Variants in TMEM132C observed in about 807,000 individuals in gnomAD.
TMEM132C encodes transmembrane protein 132C, also known as protein phosphatase 1, regulatory subunit 152.
A neutral mutation model predicts 61.4 loss-of-function variants in TMEM132C; 29 were observed. The observed-to-expected ratio is 0.47, with a 90% CI of 0.35 to 0.64. The LOEUF (loss-of-function observed/expected upper bound fraction) is 0.64. TMEM132C is among the 30% of genes least tolerant of loss of function. TMEM132C has a pLI of 0.00. For missense variants in TMEM132C, 1,408 were observed against 1,476.9 expected, an observed-to-expected ratio of 0.95 and a Z score of 0.76; for synonymous variants, 656 against 633.1, an observed-to-expected ratio of 1.04 and a Z score of -0.54.
At chr12:128,355,574 G>A (rs1873476853) in intron 1 of TMEM132C, among the ~76,000 whole-genome samples, 3 of 151,724 alleles carry the variant, frequency 2.0e-5, no homozygotes, top group Admixed American at 1.3e-4. Flanking sequence ...CACCCTCCAT[G>A]GCTCCCATCT....
At chr12:128,681,959 C>T (rs1954639052) in intron 5 of TMEM132C, among the ~76,000 whole-genome samples, 2 of 151,866 alleles carry the variant, frequency 1.3e-5, no homozygotes, top group African/African-American at 2.4e-5. Context: ...TGTGAGCCAC[C>T]GTGCCCGGCC....
chr12:128,377,686 G>A (rs1032393843), intron 1 of TMEM132C, among the ~76,000 whole-genome samples: 35 of 152,150 alleles, frequency 2.3e-4, no homozygotes, highest in African/African-American at 8.4e-4. Context: ...ATTTCAAACC[G>A]TGGGACACAC....
chr12:128,301,058 G>A (rs1871579931), intron 1 of TMEM132C, among the ~76,000 whole-genome samples: 1 of 152,080 alleles, frequency 6.6e-6, no homozygotes, highest in South Asian at 2.1e-4. Context: ...CAAAACAAAT[G>A]AACAGAAAAC....
At chr12:128,377,058 A>ATTT (rs199866756) in intron 1 of TMEM132C, among the ~76,000 whole-genome samples, 3 of 144,912 alleles carry the variant, frequency 2.1e-5, no homozygotes, top group Non-Finnish European at 3.0e-5. Flanking sequence ...TGCTTTCTTG[A>ATTT]TTTTTTTTTT....
chr12:128,381,989 C>A (rs1195895279), intron 1 of TMEM132C, among the ~76,000 whole-genome samples: 1 of 152,020 alleles, frequency 6.6e-6, no homozygotes, highest in Non-Finnish European at 1.5e-5. Context: ...CGTTGAAGAC[C>A]CTTCGCAACA....
At chr12:128,325,824 G>A (rs1288662534) in intron 1 of TMEM132C, among the ~76,000 whole-genome samples, 1 of 152,112 alleles carries the variant, frequency 6.6e-6, no homozygotes, top group Non-Finnish European at 1.5e-5. Context: ...CTGTCAGGCT[G>A]CCCTCCCAGT....
intron 1 of TMEM132C, among the ~76,000 whole-genome samples, chr12:128,336,391 C>G (rs929217127): frequency 1.3e-5 from 2 of 152,150 alleles, no homozygotes; most frequent in African/African-American, 4.8e-5. Flanking sequence ...TATTTGCTGA[C>G]ACTGTATGCC....
chr12:128,676,816 C>T (rs1469325754), intron 5 of TMEM132C, among the ~76,000 whole-genome samples: 2 of 152,176 alleles, frequency 1.3e-5, no homozygotes, highest in Non-Finnish European at 2.9e-5. Context: ...TCATGAATAT[C>T]GCTGCCTTGG....
At chr12:128,460,244 G>C (rs1334619981) in intron 2 of TMEM132C, among the ~76,000 whole-genome samples, 1 of 152,172 alleles carries the variant, frequency 6.6e-6, no homozygotes, top group African/African-American at 2.4e-5. Flanking sequence ...ACAAACTTCA[G>C]GCATGGCTGG....
chr12:128,307,705 G>A (rs1871829784), intron 1 of TMEM132C, among the ~76,000 whole-genome samples: 1 of 152,086 alleles, frequency 6.6e-6, no homozygotes, highest in Non-Finnish European at 1.5e-5. Flanking sequence ...CTTTCTTTTT[G>A]TAATAGATGT....
intron 4 of TMEM132C, among the ~76,000 whole-genome samples, chr12:128,654,713 G>A (rs1954306907): frequency 6.6e-6 from 1 of 152,108 alleles, no homozygotes; most frequent in Non-Finnish European, 1.5e-5. Flanking sequence ...CAGAATGCTG[G>A]GCTGAGATGC....
intron 1 of TMEM132C, among the ~76,000 whole-genome samples, chr12:128,383,857 C>G (rs893984441): frequency 2.0e-5 from 3 of 152,198 alleles, no homozygotes; most frequent in Non-Finnish European, 4.4e-5. Flanking sequence ...TAGCCACTCT[C>G]TTACTGAGCA....
intron 4 of TMEM132C, among the ~76,000 whole-genome samples, chr12:128,638,727 G>T (rs1218518376): frequency 6.6e-6 from 1 of 152,228 alleles, no homozygotes; most frequent in Non-Finnish European, 1.5e-5. Flanking sequence ...GGGTGGAGAA[G>T]AGGAGGAGAA....
intron 4 of TMEM132C, among the ~76,000 whole-genome samples, chr12:128,641,515 G>A (rs910331283): frequency 3.3e-5 from 5 of 152,192 alleles, no homozygotes; most frequent in Non-Finnish European, 7.3e-5. Context: ...AACACAGAGA[G>A]CACTGTGGGA....
chr12:128,515,439 A>G (rs1384680005), intron 2 of TMEM132C, among the ~76,000 whole-genome samples: 1 of 152,232 alleles, frequency 6.6e-6, no homozygotes, highest in Admixed American at 6.5e-5. Flanking sequence ...TGAAATGCTA[A>G]GCAGCTGAAC....
At chr12:128,542,859 C>CAA (rs59362697) in intron 2 of TMEM132C, among the ~76,000 whole-genome samples, 1,020 of 81,032 alleles carry the variant, frequency 0.013, 29 homozygotes, top group African/African-American at 0.031. Context: ...TACTTCGATG[C>CAA]AAAAAAAAAA....
chr12:128,403,656 C>T (rs1459000636), intron 1 of TMEM132C, among the ~76,000 whole-genome samples: 2 of 152,104 alleles, frequency 1.3e-5, no homozygotes, highest in African/African-American at 4.8e-5. Context: ...TGATTCCCAT[C>T]ATCGACATGA....
chr12:128,507,240 G>A (rs976701195), intron 2 of TMEM132C, among the ~76,000 whole-genome samples: 2 of 151,960 alleles, frequency 1.3e-5, no homozygotes, highest in Admixed American at 6.6e-5. Flanking sequence ...TTCCATTACT[G>A]CATACTTCAC....
chr12:128,669,783 T>C (rs535223201), intron 5 of TMEM132C, among the ~76,000 whole-genome samples: 1 of 152,344 alleles, frequency 6.6e-6, no homozygotes, highest in South Asian at 2.1e-4. Flanking sequence ...TTTCTTCCTT[T>C]ATTTGACAAT....
Sources: allele counts gnomAD v4.1 joint callset (sites outside exome capture counted in the v4.1 genomes callset), GRCh38; gene constraint gnomAD v4.1.1; transcripts MANE v1.5; gene names NCBI Gene and HGNC (gene_info 2026-07-23, HGNC 2026-07-21).